The following GK3 variants were observed in gnomAD, a reference collection of about 807,000 sequenced individuals.
The protein encoded by GK3 is glycerol kinase 3.
chr4:165,278,088 C>T, the GK3 span: 2 of 1,557,884 alleles, frequency 1.3e-6, no homozygotes, highest in Admixed American at 3.3e-5. Context: ...TCACCACCTT[C>T]TGGAGATTGA....
the GK3 span, chr4:165,278,671 A>G: frequency 6.3e-7 from 1 of 1,599,892 alleles, no homozygotes; most frequent in South Asian, 1.1e-5. Context: ...TAACAGCACC[A>G]GCTATAGCTA....
the GK3 span, chr4:165,278,433 G>C: frequency 6.7e-7 from 1 of 1,492,314 alleles, no homozygotes; most frequent in Non-Finnish European, 9.4e-7. Flanking sequence ...AAAATCTCTC[G>C]AGTTTGGAAA....
At chr4:165,277,898 G>C in the GK3 span, 1 of 842,714 alleles carries the variant, frequency 1.2e-6, no homozygotes, top group Admixed American at 1.7e-5. Context: ...TCTATGAATA[G>C]TGTCATCGCA....
the GK3 span, chr4:165,278,809 A>G: frequency 3.4e-5 from 52 of 1,546,198 alleles, no homozygotes; most frequent in Non-Finnish European, 4.2e-5. Context: ...ATCCTGTTCC[A>G]TACGTATTTT....
At chr4:165,278,874 C>G in the GK3 span, 181 of 1,506,718 alleles carry the variant, frequency 1.2e-4, 1 homozygote, top group Admixed American at 6.8e-4. Flanking sequence ...GACTGGTCCC[C>G]TAAACACCCA....
the GK3 span, chr4:165,278,895 C>T: frequency 1.2e-5 from 17 of 1,426,150 alleles, no homozygotes; most frequent in South Asian, 3.4e-5. Context: ...GATATTGGCA[C>T]ACCTTCCAAG....
chr4:165,277,842 C>G, the GK3 span: 1 of 749,486 alleles, frequency 1.3e-6, no homozygotes, highest in Non-Finnish European at 2.4e-6. Flanking sequence ...AGCCACAGGT[C>G]TACTTGGAGG....
chr4:165,279,313 A>C, the GK3 span: 9 of 1,556,480 alleles, frequency 5.8e-6, no homozygotes, highest in South Asian at 8.9e-5. Context: ...GCCACACCAC[A>C]GCATTGTAGA....
chr4:165,277,825 T>A, the GK3 span: 4 of 675,992 alleles, frequency 5.9e-6, no homozygotes, highest in Admixed American at 2.3e-5. Flanking sequence ...GCATTTTCTT[T>A]ATTTTAAGCC....
At chr4:165,278,049 C>T in the GK3 span, 1 of 1,531,892 alleles carries the variant, frequency 6.5e-7, no homozygotes. Flanking sequence ...ATAAAAAAGC[C>T]CAAGGGCAGA....
At chr4:165,278,883 C>G in the GK3 span, 1 of 1,459,722 alleles carries the variant, frequency 6.9e-7, no homozygotes, top group East Asian at 2.3e-5. Context: ...CCTAAACACC[C>G]AGATATTGGC....
chr4:165,278,002 G>A, the GK3 span: 36 of 1,427,436 alleles, frequency 2.5e-5, no homozygotes, highest in Non-Finnish European at 3.3e-5. Flanking sequence ...TACCTGAGAT[G>A]TACCTTGCTC....
At chr4:165,278,649 T>C in the GK3 span, 5 of 1,596,472 alleles carry the variant, frequency 3.1e-6, no homozygotes, top group Non-Finnish European at 4.3e-6. Context: ...AGATTGTCTC[T>C]TAGCCAGCGA....
the GK3 span, chr4:165,279,512 T>A: frequency 6.4e-7 from 1 of 1,568,490 alleles, no homozygotes. Flanking sequence ...TGGGAACTCT[T>A]GTTTTATTTC....
At chr4:165,278,260 C>T in the GK3 span, 23 of 1,091,296 alleles carry the variant, frequency 2.1e-5, no homozygotes, top group East Asian at 2.8e-4. Flanking sequence ...CAGCCCCTGC[C>T]GCCATGGCAG....
At chr4:165,278,173 A>G in the GK3 span, 234 of 1,370,552 alleles carry the variant, frequency 1.7e-4, no homozygotes, top group African/African-American at 2.9e-3. Flanking sequence ...CCTCAGCATT[A>G]ATCTGAGGTT....
At chr4:165,278,692 C>G in the GK3 span, 1 of 1,604,806 alleles carries the variant, frequency 6.2e-7, no homozygotes, top group Non-Finnish European at 8.5e-7. Context: ...CAGAACCTTC[C>G]AAAGCGTAAT....
At chr4:165,278,216 T>C in the GK3 span, 3 of 1,214,278 alleles carry the variant, frequency 2.5e-6, no homozygotes, top group Non-Finnish European at 3.7e-6. Flanking sequence ...GGACAAATCC[T>C]CAGGTTCAAG....
chr4:165,277,999 G>A, the GK3 span: 20 of 1,404,090 alleles, frequency 1.4e-5, no homozygotes, highest in Non-Finnish European at 1.9e-5. Flanking sequence ...GAATACCTGA[G>A]ATGTACCTTG....
Sources: gnomAD v4.1 joint callset for allele counts on GRCh38, gnomAD v4.1.1 for gene constraint, MANE v1.5 for transcripts, NCBI Gene and HGNC (gene_info 2026-07-23, HGNC 2026-07-21) for gene names.